Variants in CA10 observed in about 807,000 individuals in gnomAD.
CA10 encodes carbonic anhydrase-related protein 10.
In CA10, 14 loss-of-function variants were observed where a neutral mutation model predicts 44.2. That is an observed-to-expected ratio of 0.32 (90% CI 0.21 to 0.50). The LOEUF is 0.50. Ranked by LOEUF, CA10 falls within the 20% of genes least tolerant of loss-of-function variation. CA10 has a pLI of 0.99. For missense variants in CA10, 350 were observed against 409.7 expected (o/e 0.85, Z 1.26); for synonymous variants, 159 against 141.6 (o/e 1.12, Z -0.87).
intron 1 of CA10, among the ~76,000 whole-genome samples, chr17:52,127,517 G>T (rs1221511719): frequency 1.3e-5 from 2 of 152,024 alleles, no homozygotes; most frequent in African/African-American, 4.8e-5. Flanking sequence ...CTGCAGACTT[G>T]CCCTCCAATA....
chr17:52,126,143 G>T (rs1989113981), intron 1 of CA10, among the ~76,000 whole-genome samples: 1 of 152,104 alleles, frequency 6.6e-6, no homozygotes, highest in African/African-American at 2.4e-5. Flanking sequence ...ACATTGCTAT[G>T]ATATTGCTCA....
At chr17:51,639,655 C>A (rs543259054) in intron 6 of CA10, among the ~76,000 whole-genome samples, 11 of 152,318 alleles carry the variant, frequency 7.2e-5, no homozygotes, top group African/African-American at 2.4e-4. Context: ...TTTCACTCCC[C>A]ACTGTGTTCC....
intron 3 of CA10, among the ~76,000 whole-genome samples, chr17:51,898,970 T>G (rs1598106928): frequency 6.6e-6 from 1 of 152,144 alleles, no homozygotes; most frequent in South Asian, 2.1e-4. Flanking sequence ...TAGCAGTCTG[T>G]CAATCTTATT....
At chr17:51,751,291 T>C (rs544608278) in intron 3 of CA10, among the ~76,000 whole-genome samples, 1 of 152,296 alleles carries the variant, frequency 6.6e-6, no homozygotes, top group East Asian at 1.9e-4. Context: ...AGTTAGTATT[T>C]AATGAGTATA....
chr17:51,994,660 T>C (rs942717865), intron 2 of CA10, among the ~76,000 whole-genome samples: 4 of 152,082 alleles, frequency 2.6e-5, no homozygotes, highest in Non-Finnish European at 5.9e-5. Context: ...AGACTAAATT[T>C]AGAATAAACT....
chr17:51,908,265 C>A (rs758533019), intron 3 of CA10, among the ~76,000 whole-genome samples: 24 of 152,082 alleles, frequency 1.6e-4, no homozygotes, highest in Non-Finnish European at 2.1e-4. Context: ...AAATGGTGAC[C>A]CTGGGAGAGC....
At chr17:51,899,596 C>T (rs1172394997) in intron 3 of CA10, among the ~76,000 whole-genome samples, 4 of 151,956 alleles carry the variant, frequency 2.6e-5, no homozygotes, top group African/African-American at 9.7e-5. Flanking sequence ...AGGTCCCAAA[C>T]ATATTTGTTA....
chr17:51,927,818 A>C (rs1014089803), intron 3 of CA10, among the ~76,000 whole-genome samples: 2 of 152,186 alleles, frequency 1.3e-5, no homozygotes, highest in African/African-American at 4.8e-5. Context: ...TGGAAACTTT[A>C]AGCAACCTGA....
intron 4 of CA10, among the ~76,000 whole-genome samples, chr17:51,735,162 G>A (rs1410324239): frequency 6.6e-6 from 1 of 152,158 alleles, no homozygotes; most frequent in East Asian, 1.9e-4. Context: ...TATGGATGGA[G>A]GATAGAAATG....
chr17:51,720,215 T>C (rs1320734331), intron 4 of CA10, among the ~76,000 whole-genome samples: 1 of 152,246 alleles, frequency 6.6e-6, no homozygotes, highest in Non-Finnish European at 1.5e-5. Context: ...GAGTAATCTA[T>C]GCAATAGGTT....
At chr17:52,031,363 T>G (rs1986461722) in intron 2 of CA10, among the ~76,000 whole-genome samples, 1 of 152,084 alleles carries the variant, frequency 6.6e-6, no homozygotes, top group Non-Finnish European at 1.5e-5. Context: ...TTAGCCAGGC[T>G]GGTCTTAAAC....
intron 7 of CA10, among the ~76,000 whole-genome samples, chr17:51,635,248 C>T (rs998357974): frequency 6.6e-6 from 1 of 152,014 alleles, no homozygotes; most frequent in African/African-American, 2.4e-5. Context: ...TGTGGTGGCT[C>T]ACGCCTGTAA....
chr17:52,155,121 T>C (rs541723431), intron 1 of CA10, among the ~76,000 whole-genome samples: 2 of 152,378 alleles, frequency 1.3e-5, no homozygotes, highest in East Asian at 1.9e-4. Flanking sequence ...TACAGACTTT[T>C]ACTAGCCTTT....
At chr17:51,776,816 G>C (rs1322111196) in intron 3 of CA10, among the ~76,000 whole-genome samples, 1 of 152,200 alleles carries the variant, frequency 6.6e-6, no homozygotes, top group Non-Finnish European at 1.5e-5. Flanking sequence ...GTACCTACAC[G>C]TATTGGACAA....
At chr17:52,060,116 C>A (rs1431643093) in intron 2 of CA10, among the ~76,000 whole-genome samples, 1 of 151,970 alleles carries the variant, frequency 6.6e-6, no homozygotes, top group South Asian at 2.1e-4. Flanking sequence ...TATCACGTAC[C>A]CTCTGATAGG....
rs1343331189 is a variant in CA10, at chr17:51,831,684, G to GCAGCAGCAGCAGCAT, written c.280-83867_280-83866insATGCTGCTGCTGCTG. Among the ~76,000 whole-genome samples, 50 of 57,438 alleles carry GCAGCAGCAGCAGCAT rather than the reference G, an allele frequency of 8.7e-4. 2 individuals carry two copies. The highest frequency in any genetic ancestry group is 3.4e-3 in the African/African-American group (46 of 13,478). 37.7% of individuals were successfully genotyped at this position (57,438 alleles called of 152,430 possible). ...AAAAGAAAAAGCAGCAGCAGCAGCA[G>GCAGCAGCAGCAGCAT]CAGCAGCAGCAGCAGCAGCAGCAGC... On this transcript the variant is annotated intron_variant, in intron 3 of 8. Transcript: ENST00000451037.
At chr17:51,633,273 C>A (rs998096156) in intron 8 of CA10, among the ~76,000 whole-genome samples, 1 of 152,178 alleles carries the variant, frequency 6.6e-6, no homozygotes, top group Non-Finnish European at 1.5e-5. Flanking sequence ...TACCAACCTA[C>A]CTAGATGCAT....
intron 2 of CA10, among the ~76,000 whole-genome samples, chr17:52,035,944 C>A (rs1986605538): frequency 6.6e-6 from 1 of 152,228 alleles, no homozygotes; most frequent in Admixed American, 6.5e-5. Context: ...CATGGACTCT[C>A]AGGCTGTAGT....
intron 2 of CA10, among the ~76,000 whole-genome samples, chr17:51,933,253 A>G (rs1402770893): frequency 6.6e-6 from 1 of 152,142 alleles, no homozygotes; most frequent in East Asian, 1.9e-4. Flanking sequence ...TCGTTTTGGG[A>G]TGGAGAGATT....
Sources: gnomAD v4.1 joint callset for allele counts (sites outside exome capture counted in the v4.1 genomes callset) on GRCh38, gnomAD v4.1.1 for gene constraint, MANE v1.5 for transcripts, NCBI Gene and HGNC (gene_info 2026-07-23, HGNC 2026-07-21) for gene names.